Variants in DNAAF9 observed in about 807,000 individuals in gnomAD.
DNAAF9 encodes the protein dynein axonemal assembly factor 9.
DNAAF9 carries 90 observed loss-of-function variants against 167.0 expected under a neutral mutation model. That is an observed-to-expected ratio of 0.54 (90% CI 0.45 to 0.64). DNAAF9 has a LOEUF of 0.64. Among genes scored for constraint, DNAAF9 ranks in the 30% least tolerant of loss-of-function variants. The pLI, the probability that DNAAF9 is intolerant of heterozygous loss-of-function variation, is 0.00. For synonymous variants in DNAAF9, 491 were observed against 508.8 expected, an observed-to-expected ratio of 0.96 and a Z score of 0.47; for missense variants, 1,315 against 1,442.2, an observed-to-expected ratio of 0.91 and a Z score of 1.43.
rs575697332 is a variant in DNAAF9 at position 3,360,638 on chromosome 20, T to C, written c.613-1045A>G. Among the ~76,000 whole-genome samples the C allele has an allele frequency of 1.3e-3, 193 of 152,324 alleles. 1 individual carries two copies. Among genetic ancestry groups the C allele is most frequent in the Non-Finnish European group, 2.1e-3 (144 of 68,028 alleles). On this transcript the variant is annotated intron_variant, in intron 6 of 36. Coordinates refer to ENST00000252032, the MANE Select transcript of DNAAF9 (RefSeq NM_001009984.3). ...GGGATCTGCTGTGCACACCGGGTTCTTTCTTAATCCCTGCTGAGGATCTTG... is the reference window on the plus strand; with the variant it reads ...GGGATCTGCTGTGCACACCGGGTTCCTTCTTAATCCCTGCTGAGGATCTTG...
intron 1 of DNAAF9, among the ~76,000 whole-genome samples, chr20:3,403,486 A>G (rs998273527): frequency 6.7e-6 from 1 of 150,144 alleles, no homozygotes. Flanking sequence ...TCTGCCACCA[A>G]TGAATTGTTG....
chr20:3,301,941 T>C (rs2069196679), intron 21 of DNAAF9, among the ~76,000 whole-genome samples: 2 of 151,892 alleles, frequency 1.3e-5, no homozygotes, highest in Admixed American at 6.6e-5. Flanking sequence ...AAAAATTATA[T>C]ATATATATGT....
At chr20:3,355,865 G>A (rs1332092759) in intron 7 of DNAAF9, among the ~76,000 whole-genome samples, 1 of 151,004 alleles carries the variant, frequency 6.6e-6, no homozygotes, top group Non-Finnish European at 1.5e-5. Context: ...TCTTTTTATT[G>A]AGTTTTGATA....
At chr20:3,395,330 G>A (rs561686450) in intron 1 of DNAAF9, among the ~76,000 whole-genome samples, 10 of 151,490 alleles carry the variant, frequency 6.6e-5, no homozygotes, top group African/African-American at 1.9e-4. Context: ...GCCCAGGCTG[G>A]AATGCAGTGG....
Position 3,330,650 on chromosome 20 carries a change from G to T in DNAAF9, c.1096C>A (p.Gln366Lys), listed in dbSNP as rs1351843249. The change falls in exon 12 of 37, where the codon CAA (glutamine) becomes AAA (lysine). Residue 366 changes from glutamine to lysine, a missense_variant. Physicochemically the swap from Gln to Lys is moderately conservative, Grantham distance 53. Coordinates refer to ENST00000252032, the MANE Select transcript of DNAAF9 (RefSeq NM_001009984.3). The stretch of plus-strand genomic sequence containing the variant: ...AAATAAAATATGAAGACTTACATTT[G>T]TTCAGTTTTCTTGGGCAGCTTGCTG... ...GDSKLPKKTE[Q>K]IRLLSQIYAA... The T allele has an allele frequency of 1.3e-6, 2 of 1,590,390 alleles. No individual in the cohort carries two copies. The highest frequency in any genetic ancestry group is 2.2e-5 in the South Asian group (2 of 90,200).
At chr20:3,271,274 A>T (rs2068587605) in intron 29 of DNAAF9, among the ~76,000 whole-genome samples, 1 of 152,152 alleles carries the variant, frequency 6.6e-6, no homozygotes, top group Non-Finnish European at 1.5e-5. Context: ...AACAGGGGTT[A>T]TTCATTATAT....
At position 3,406,514 on chromosome 20, in the gene DNAAF9, A is replaced by G. The variant is rs2084056831; in HGVS notation, c.83+961T>C. Among the ~76,000 whole-genome samples the G allele has an allele frequency of 5.3e-5, 8 of 152,072 alleles. No individual in the cohort carries two copies. The South Asian group carries it at 1.7e-3, about 32-fold the overall frequency. On this transcript the variant is annotated intron_variant, in intron 1 of 36. Coordinates refer to ENST00000252032, the MANE Select transcript of DNAAF9 (RefSeq NM_001009984.3). The stretch of plus-strand genomic sequence containing the variant: ...AGGTCTCTGCTGCAACCCCTCCATC[A>G]TTCCAACCTCCACACTGCGCCGGCG...
intron 30 of DNAAF9, among the ~76,000 whole-genome samples, chr20:3,266,315 A>C (rs999843883): frequency 1.3e-5 from 2 of 152,210 alleles, no homozygotes; most frequent in African/African-American, 4.8e-5. Flanking sequence ...GTAAGGAGTC[A>C]GTAGTCTATG....
chr20:3,285,777 G>A (rs540634413), intron 27 of DNAAF9, among the ~76,000 whole-genome samples: 44 of 151,186 alleles, frequency 2.9e-4, no homozygotes, highest in Non-Finnish European at 5.9e-4. Flanking sequence ...TCAGGAGTTC[G>A]AGACCAGTCT....
At chr20:3,361,951 G>GA (rs2083370585) in intron 6 of DNAAF9, 1 of 1,534,764 alleles carries the variant, frequency 6.5e-7, no homozygotes, top group Non-Finnish European at 9.0e-7. Context: ...ATTAGGCGCC[G>GA]AAACTCTTGC....
chr20:3,309,901 T>C (rs1317639020), intron 20 of DNAAF9, among the ~76,000 whole-genome samples: 1 of 152,010 alleles, frequency 6.6e-6, no homozygotes, highest in Admixed American at 6.6e-5. Flanking sequence ...CCAAAATCTA[T>C]AAAGAATTCC....
intron 27 of DNAAF9, among the ~76,000 whole-genome samples, chr20:3,283,515 C>A (rs996380348): frequency 6.6e-6 from 1 of 152,210 alleles, no homozygotes. Flanking sequence ...CCTGCCTGGG[C>A]ATGTATGTAT....
chr20:3,304,409 C>A, intron 21 of DNAAF9, 31 bp downstream of exon 21: 2 of 1,003,256 alleles, frequency 2.0e-6, no homozygotes, highest in South Asian at 2.6e-5. Context: ...ACTTTCCGAC[C>A]AAAAAAGCCA....
chr20:3,362,242 A>T (rs2083373904), intron 6 of DNAAF9: 1 of 1,379,838 alleles, frequency 7.2e-7, no homozygotes, highest in East Asian at 2.3e-5. Context: ...GTCATCTCCT[A>T]CTCCTTTCTG....
chr20:3,384,524 T>A (rs1473852173), intron 1 of DNAAF9: 1 of 149,308 alleles, frequency 6.7e-6, no homozygotes, highest in Non-Finnish European at 1.5e-5. Flanking sequence ...AATATAAATG[T>A]AAACATCCTG....
Position 3,348,503 on chromosome 20 carries a change from CTT to C in DNAAF9, c.789+20_789+21del, listed in dbSNP as rs1433371154. The stretch of plus-strand genomic sequence containing the variant: ...ATAAATTAACCATTTTATTCTTCCT[CTT>C]TGACCCTTCCCTTACATACCTCACC... On this transcript the variant is annotated intron_variant, in intron 8 of 36. Coordinates refer to ENST00000252032, the MANE Select transcript of DNAAF9 (RefSeq NM_001009984.3). 4 of 1,309,304 alleles carry C rather than the reference CTT, an allele frequency of 3.1e-6. No homozygotes were observed. The African/African-American group carries it at 4.4e-5, about 14-fold the overall frequency. The allele number at this position is 1,309,304 out of a possible 1,614,324, so 81.1% of individuals were successfully genotyped here.
intron 7 of DNAAF9, among the ~76,000 whole-genome samples, chr20:3,350,392 G>C (rs1180767756): frequency 1.3e-5 from 2 of 151,102 alleles, no homozygotes; most frequent in African/African-American, 4.9e-5. Flanking sequence ...ATATAACGTA[G>C]GATAAAACAA....
rs1013860689 is a variant in DNAAF9, at chr20:3,407,567, C to A, written c.-10G>T. ...GGGGGTACACGTCCATGGCGGCGGA[C>A]GACTGGCGGCGGAGGAGGACGGTGC... is the stretch of plus-strand genomic sequence containing the variant. On this transcript the variant is annotated 5_prime_UTR_variant, in exon 1 of 37. Coordinates refer to ENST00000252032, the MANE Select transcript of DNAAF9 (RefSeq NM_001009984.3). The A allele has an allele frequency of 5.3e-5, 66 of 1,233,710 alleles. No individual in the cohort carries two copies. In the East Asian group the frequency reaches 1.8e-3, roughly 34 times the overall value. 76.4% of individuals were successfully genotyped at this position (1,233,710 alleles called of 1,614,324 possible). A position where few individuals can be genotyped will look rare whatever the true frequency, so the allele number is the denominator to read the frequency against.
At chr20:3,264,675 T>C in intron 30 of DNAAF9, 151 bp from the exon 31 acceptor site, 1 of 635,738 alleles carries the variant, frequency 1.6e-6, no homozygotes, top group South Asian at 1.7e-5. Flanking sequence ...GTTCAAGTGA[T>C]TCTCCTGCCT....
Sources: gnomAD v4.1 joint callset for allele counts (sites outside exome capture counted in the v4.1 genomes callset) on GRCh38, gnomAD v4.1.1 for gene constraint, MANE v1.5 for transcripts, NCBI Gene and HGNC (gene_info 2026-07-23, HGNC 2026-07-21) for gene names.